Variants in COL14A1 observed in about 807,000 individuals in gnomAD.
COL14A1 encodes collagen alpha-1(XIV) chain.
COL14A1 carries 136 observed loss-of-function variants against 230.3 expected under a neutral mutation model. The ratio of observed to expected loss-of-function variants is 0.59; its 90% CI spans 0.51 to 0.68. COL14A1 has a LOEUF of 0.68. Among genes scored for constraint, COL14A1 ranks in the 30% least tolerant of loss-of-function variants. The pLI, the probability that COL14A1 is intolerant of heterozygous loss-of-function variation, is 0.00. For missense variants in COL14A1, 1,976 were observed against 2,215.8 expected (o/e 0.89, Z 2.17); for synonymous variants, 792 against 784.1 (o/e 1.01, Z -0.17).
chr8:120,283,555 A>G, intron 31 of COL14A1, 81 bp from the exon 32 acceptor site: 1 of 1,434,034 alleles, frequency 7.0e-7, no homozygotes, highest in Non-Finnish European at 9.4e-7. Flanking sequence ...TTGTGTAATG[A>G]AAATGTATTT....
chr8:120,216,010 G>A (rs956470508), intron 13 of COL14A1, among the ~76,000 whole-genome samples: 2 of 152,148 alleles, frequency 1.3e-5, no homozygotes, highest in Admixed American at 6.5e-5. Context: ...GAGTGGACTA[G>A]CTAAAATTTT....
At chr8:120,369,249 G>A in intron 46 of COL14A1, 81 bp from the exon 47 acceptor site, 1 of 1,400,844 alleles carries the variant, frequency 7.1e-7, no homozygotes, top group South Asian at 1.6e-5. Context: ...TCTTCTAAGA[G>A]TTAGTTTACT....
At chr8:120,323,328 A>G (rs1821528146) in intron 40 of COL14A1, among the ~76,000 whole-genome samples, 1 of 151,878 alleles carries the variant, frequency 6.6e-6, no homozygotes, top group Non-Finnish European at 1.5e-5. Context: ...CCTTTGTCAG[A>G]TGCATAGTTT....
chr8:120,323,615 G>T (rs555605069), intron 40 of COL14A1, among the ~76,000 whole-genome samples: 1 of 151,950 alleles, frequency 6.6e-6, no homozygotes, highest in Non-Finnish European at 1.5e-5. Context: ...GAAGGGGTCC[G>T]GTTTCAATCT....
At chr8:120,355,910 T>C (rs1008425667) in intron 45 of COL14A1, among the ~76,000 whole-genome samples, 2 of 152,188 alleles carry the variant, frequency 1.3e-5, no homozygotes, top group South Asian at 2.1e-4. Flanking sequence ...AATGCAGTGT[T>C]TATGTAAGGT....
At chr8:120,230,953 T>C (rs1433535580) in intron 18 of COL14A1, among the ~76,000 whole-genome samples, 2 of 152,198 alleles carry the variant, frequency 1.3e-5, no homozygotes, top group African/African-American at 4.8e-5. Flanking sequence ...CGTGTCTGTG[T>C]GGGCTGAATG....
At chr8:120,316,222 A>G (rs967733282) in intron 40 of COL14A1, among the ~76,000 whole-genome samples, 3 of 152,188 alleles carry the variant, frequency 2.0e-5, no homozygotes, top group Non-Finnish European at 4.4e-5. Flanking sequence ...TTCCCAAATT[A>G]GCACATCCCT....
chr8:120,254,022 GTCT>G (rs1281649204), intron 22 of COL14A1, among the ~76,000 whole-genome samples: 1 of 152,176 alleles, frequency 6.6e-6, no homozygotes, highest in Non-Finnish European at 1.5e-5. Flanking sequence ...TAGGAAAAAA[GTCT>G]TCTTTCTTTG....
rs1820086435 is a variant in COL14A1, at chr8:120,283,011, C to CTATACTT, written c.3825-625_3825-624insTATACTT. ...TCAGGTCCTTATACTTCCTCAATGACCAGTCATTGAAAAGAGGTTTCCTAG... is the reference window on the plus strand; with the variant it reads ...TCAGGTCCTTATACTTCCTCAATGACTATACTTCAGTCATTGAAAAGAGGTTTCCTAG... On this transcript the variant is annotated intron_variant, in intron 31 of 47. Coordinates refer to ENST00000297848, the MANE Select transcript of COL14A1 (RefSeq NM_021110.4). 2.0e-5 allele frequency among the ~76,000 whole-genome samples: 3 copies of CTATACTT among 152,122 alleles called. No homozygotes were observed. In the East Asian group the frequency reaches 5.8e-4, roughly 29 times the overall value.
chr8:120,203,795 C>T lies in COL14A1; in HGVS notation c.964C>T (p.Leu322=), dbSNP rs1171099747. 1 of 1,613,864 alleles carries T rather than the reference C, an allele frequency of 6.2e-7. No individual in the cohort carries two copies. The highest frequency in any genetic ancestry group is 1.3e-5 in the African/African-American group (1 of 74,904). Residue 322 remains leucine, a synonymous_variant, in exon 9 of 48, where the codon CTG becomes TTG. Transcript: ENST00000297848. ...TGTGTACAATGTTGCCGAATTCGAT[C>T]TGATGCACACAGTTGTGGAGAGTCT... The part of the protein sequence containing the change: ...THVYNVAEFD[L]MHTVVESLTR...
At chr8:120,364,327 G>C (rs1176287218) in intron 45 of COL14A1, among the ~76,000 whole-genome samples, 8 of 152,096 alleles carry the variant, frequency 5.3e-5, no homozygotes, top group Non-Finnish European at 1.0e-4. Context: ...CTTTTAATTA[G>C]GTCCTACCAG....
chr8:120,345,461 C>T lies in COL14A1; in HGVS notation c.4975C>T (p.Pro1659Ser), dbSNP rs137867605. The T allele has an allele frequency of 1.2e-6, 2 of 1,602,490 alleles. No homozygotes were observed. Among genetic ancestry groups the T allele is most frequent in the East Asian group, 4.6e-5 (2 of 43,674 alleles). ...GACTGTCCAAGGGCCTCCTGGGGAG[C>T]CTGGGAGGCCAGGCTCACCTGGAGC... is the stretch of plus-strand genomic sequence containing the variant. ...IRTVQGPPGE[P>S]GRPGSPGAPG... The change falls in exon 45 of 48, where the codon CCT (proline) becomes TCT (serine). Residue 1659 changes from proline (P) to serine (S), a missense_variant. Transcript: ENST00000297848.
At chr8:120,345,907 G>A (rs989389390) in intron 45 of COL14A1, among the ~76,000 whole-genome samples, 7 of 152,116 alleles carry the variant, frequency 4.6e-5, no homozygotes, top group Admixed American at 2.6e-4. Context: ...AAATGATGCC[G>A]CCCTCTGACC....
intron 23 of COL14A1, among the ~76,000 whole-genome samples, chr8:120,260,454 A>G (rs1319698619): frequency 6.6e-6 from 1 of 152,172 alleles, no homozygotes; most frequent in Non-Finnish European, 1.5e-5. Flanking sequence ...TTTATTCTTC[A>G]TAAACTCCTC....
At chr8:120,240,378 A>C (rs1231211740) in intron 19 of COL14A1, among the ~76,000 whole-genome samples, 2 of 152,178 alleles carry the variant, frequency 1.3e-5, no homozygotes, top group Non-Finnish European at 2.9e-5. Flanking sequence ...CTGTGATACA[A>C]ATGTAATGTG....
chr8:120,263,116 G>C (rs1390615876), intron 24 of COL14A1, 102 bp downstream of exon 24: 1 of 1,268,300 alleles, frequency 7.9e-7, no homozygotes, highest in Non-Finnish European at 1.1e-6. Flanking sequence ...AGCTATTGCT[G>C]TTCAGGAATA....
intron 36 of COL14A1, among the ~76,000 whole-genome samples, chr8:120,303,068 T>G (rs1353526747): frequency 6.6e-6 from 1 of 152,186 alleles, no homozygotes. Flanking sequence ...GGGATGTTAG[T>G]GATCTTTGTG....
chr8:120,264,531 A>G (rs879904092), intron 24 of COL14A1, among the ~76,000 whole-genome samples: 2 of 152,136 alleles, frequency 1.3e-5, no homozygotes, highest in Admixed American at 6.6e-5. Context: ...ACAACCAATA[A>G]AAGAATACTC....
intron 9 of COL14A1, among the ~76,000 whole-genome samples, chr8:120,205,986 A>G (rs1586764905): frequency 6.6e-6 from 1 of 152,206 alleles, no homozygotes; most frequent in East Asian, 1.9e-4. Context: ...CATGTGTAAC[A>G]CACACACACA....
Sources: gnomAD v4.1 joint callset for allele counts (sites outside exome capture counted in the v4.1 genomes callset) on GRCh38, gnomAD v4.1.1 for gene constraint, MANE v1.5 for transcripts, NCBI Gene and HGNC (gene_info 2026-07-23, HGNC 2026-07-21) for gene names.